The following MAP3K19 variants were observed in gnomAD, a reference collection of about 807,000 sequenced individuals.
MAP3K19 encodes the protein SPS1/STE20-related protein kinase YSK4.
A neutral mutation model predicts 114.4 loss-of-function variants in MAP3K19; 91 were observed. The ratio of observed to expected loss-of-function variants is 0.80; its 90% CI spans 0.67 to 0.95. The LOEUF (loss-of-function observed/expected upper bound fraction) is 0.95, where lower values mean the gene tolerates loss of function less well. MAP3K19 is among the 40% of genes least tolerant of loss of function. The pLI is 0.00. For synonymous variants in MAP3K19, 518 were observed against 530.5 expected (o/e 0.98, Z 0.32); for missense variants, 1,471 against 1,573.2 (o/e 0.94, Z 1.10).
At position 134,981,504 on chromosome 2, in the gene MAP3K19, G is replaced by T; in HGVS notation, c.3237C>A (p.Leu1079=). The T allele has an allele frequency of 6.2e-7, 1 of 1,612,400 alleles. No individual in the cohort carries two copies. The highest frequency in any genetic ancestry group is 1.1e-5 in the South Asian group (1 of 90,982). ...CAGCTATTAGCTGTCCTTGACTAGT[G>T]AGACCACAGTATACCTAGAAGCAAA... The part of the protein sequence containing the change: ...KGAYGTVYCG[L]TSQGQLIAVK... Residue 1079 remains leucine, a synonymous_variant, in exon 12 of 13, where the codon CTC becomes CTA. Transcript: ENST00000392915.
At chr2:135,018,281 CA>C (rs781510594) in intron 5 of MAP3K19, among the ~76,000 whole-genome samples, 12,081 of 58,304 alleles carry the variant, frequency 0.21, 397 homozygotes, top group East Asian at 0.35. Flanking sequence ...GCAACAACAG[CA>C]AAAAAAAAAA....
chr2:135,037,450 A>G (rs2104795045), intron 2 of MAP3K19, among the ~76,000 whole-genome samples: 1 of 152,282 alleles, frequency 6.6e-6, no homozygotes, highest in Admixed American at 6.5e-5. Context: ...TATGAGACAA[A>G]TTGATGAATT....
chr2:135,025,746 ATCTT>A (rs1229717738), intron 3 of MAP3K19, among the ~76,000 whole-genome samples: 1 of 152,084 alleles, frequency 6.6e-6, no homozygotes, highest in Non-Finnish European at 1.5e-5. Context: ...CAACTGGCTG[ATCTT>A]AGGACCATTT....
At chr2:135,033,525 G>A (rs1465111134) in intron 2 of MAP3K19, among the ~76,000 whole-genome samples, 1 of 99,842 alleles carries the variant, frequency 1.0e-5, no homozygotes. Context: ...AGGGGCAGCC[G>A]GGCAGAGGCG....
Position 134,999,995 on chromosome 2 carries a change from A to G in MAP3K19, c.256T>C (p.Phe86Leu), listed in dbSNP as rs151183639. The G allele has an allele frequency of 5.0e-6, 8 of 1,611,204 alleles. No individual in the cohort carries two copies. The African/African-American group carries it at 9.4e-5, about 19-fold the overall frequency. ...RTEGVEITVT[F>L]PRDVSPPQEM... ...TGGGGAGGACTGACATCTCTTGGAA[A>G]AGTTACAGTGATCTCAACACCTGTA... The change falls in exon 7 of 13, where the codon TTT becomes CTT. Residue 86 changes from phenylalanine to leucine, a missense_variant. Phe to Leu is a conservative substitution (Grantham distance 22). Coordinates refer to ENST00000392915, the MANE Select transcript of MAP3K19 (RefSeq NM_025052.5). The surrounding 1 kb of genome is among the most constrained non-coding windows in gnomAD (Gnocchi z 4.1).
Position 134,981,474 on chromosome 2 carries a change from T to C in MAP3K19, c.3267A>G (p.Lys1089=). The change falls in exon 12 of 13, where the codon AAA becomes AAG. Residue 1089 remains lysine, a synonymous_variant. Coordinates refer to ENST00000392915, the MANE Select transcript of MAP3K19 (RefSeq NM_025052.5). Reference sequence around the variant, plus strand: ...TATTAGAGGTATCCAAAGCCACCTGTTTTACAGCTATTAGCTGTCCTTGAC... The same window carrying C: ...TATTAGAGGTATCCAAAGCCACCTGCTTTACAGCTATTAGCTGTCCTTGAC... ...LTSQGQLIAV[K]QVALDTSNKL... The C allele has an allele frequency of 6.2e-7, 1 of 1,614,234 alleles. No homozygotes were observed. The highest frequency in any genetic ancestry group is 2.2e-5 in the East Asian group (1 of 44,882).
In MAP3K19 at chr2:134,987,536, C is replaced by A; in HGVS notation, c.1336G>T (p.Val446Leu). The A allele has an allele frequency of 6.2e-7, 1 of 1,614,212 alleles. No individual in the cohort carries two copies. The highest frequency in any genetic ancestry group is 8.5e-7 in the Non-Finnish European group (1 of 1,180,040). The change falls in exon 10 of 13, where the codon GTA becomes TTA. Residue 446 changes from valine (V) to leucine (L), a missense_variant. Val to Leu is a conservative substitution (Grantham distance 32, BLOSUM62 1). Coordinates refer to ENST00000392915, the MANE Select transcript of MAP3K19 (RefSeq NM_025052.5). ...TTATCAATGGGGTCATCAAAGACTA[C>A]ACTGGATAAGCTTTTAAGTACAGTA... ...ECTVLKSLSSVVFDDPIDKLP... is the reference protein window; with the variant it reads ...ECTVLKSLSSLVFDDPIDKLP...
intron 10 of MAP3K19, among the ~76,000 whole-genome samples, 159 bp from the exon 11 acceptor site, chr2:134,983,984 T>G (rs1049162725): frequency 6.6e-5 from 10 of 152,200 alleles, no homozygotes; most frequent in Admixed American, 2.6e-4. Flanking sequence ...GACCACATAG[T>G]GTATCTTAGT....
At chr2:134,968,730 G>A (rs1291699437) in intron 12 of MAP3K19, among the ~76,000 whole-genome samples, 148 of 150,354 alleles carry the variant, frequency 9.8e-4, no homozygotes, top group African/African-American at 3.3e-3. Flanking sequence ...GGGCAGAGGC[G>A]GTCCCCACAT....
chr2:135,035,686 C>T (rs897839610), intron 2 of MAP3K19, among the ~76,000 whole-genome samples: 2 of 150,592 alleles, frequency 1.3e-5, no homozygotes, highest in African/African-American at 5.0e-5. Context: ...TGAATTTTAT[C>T]TCAATAAAGC....
chr2:134,992,299 T>G lies in MAP3K19; in HGVS notation c.575-719A>C, dbSNP rs561680466. 6.6e-5 allele frequency among the ~76,000 whole-genome samples: 10 copies of G among 152,280 alleles called. No individual in the cohort carries two copies. The South Asian group carries it at 2.1e-3, about 32-fold the overall frequency. ...TCTCCCAACAGTTGTTTAAACTAGA[T>G]CGACCATAAACTCTGAAAGGTGAGT... On this transcript the variant is annotated intron_variant, in intron 8 of 12. Transcript: ENST00000392915.
intron 12 of MAP3K19, among the ~76,000 whole-genome samples, chr2:134,978,799 A>C (rs1434094420): frequency 1.3e-5 from 2 of 152,172 alleles, no homozygotes; most frequent in East Asian, 3.8e-4. Context: ...TTCTAGTCTC[A>C]AGCGACATCC....
chr2:135,047,148 T>C (rs577198343), intron 1 of MAP3K19, 37 bp downstream of exon 1: 1 of 152,358 alleles, frequency 6.6e-6, no homozygotes, highest in South Asian at 2.1e-4. Flanking sequence ...ACATACAGTT[T>C]ATCTAAAATG....
At chr2:134,978,749 T>G (rs1040358180) in intron 12 of MAP3K19, among the ~76,000 whole-genome samples, 2 of 152,230 alleles carry the variant, frequency 1.3e-5, no homozygotes, top group Non-Finnish European at 2.9e-5. Context: ...CCACTGCTTC[T>G]ACCACCATCA....
intron 2 of MAP3K19, among the ~76,000 whole-genome samples, chr2:135,036,640 TG>T (rs1305114850): frequency 8.3e-5 from 3 of 36,128 alleles, no homozygotes; most frequent in African/African-American, 6.3e-4. Context: ...CAACATTATG[TG>T]TGTGTGTGTG....
At chr2:135,028,162 T>C (rs1688299220) in intron 3 of MAP3K19, among the ~76,000 whole-genome samples, 1 of 152,206 alleles carries the variant, frequency 6.6e-6, no homozygotes, top group Non-Finnish European at 1.5e-5. Flanking sequence ...TAGGGTTATG[T>C]TGCTGATTGG....
rs1251853250 is a variant in MAP3K19, at chr2:135,047,178, G to A, written c.-424+7C>T. ...AAAATGAGATGAAAAGCAGAGATTC[G>A]GCTTACCTGTGCTGTGTTTTGCTGA... On this transcript the variant is annotated splice_region_variant and intron_variant, in intron 1 of 12. Transcript: ENST00000392915. 15 of 152,074 alleles carry A rather than the reference G, an allele frequency of 9.9e-5. No homozygotes were observed. The highest frequency in any genetic ancestry group is 2.1e-4 in the Non-Finnish European group (14 of 68,022). The allele number at this position is 152,074 out of a possible 1,614,324, so 9.4% of individuals were successfully genotyped here.
At chr2:135,044,439 A>T (rs1160139377) in intron 1 of MAP3K19, among the ~76,000 whole-genome samples, 1 of 152,114 alleles carries the variant, frequency 6.6e-6, no homozygotes, top group Non-Finnish European at 1.5e-5. Flanking sequence ...AAAAATACAA[A>T]ATTAGCCAGG....
rs536589373 is a variant in MAP3K19, at chr2:134,998,983, G to A, written c.329C>T (p.Ser110Leu). ...DLKEKNLINS[S>L]LQEWAQAHAV... ...ATGTGCTTGTGCCCATTCTTGAAGC[G>A]ATGAGTTTATCAGACTAAAGGGGGA... Residue 110 changes from serine (S) to leucine (L), a missense_variant, in exon 8 of 13, where the codon TCG becomes TTG. Transcript: ENST00000392915. 6.4e-5 allele frequency: 104 copies of A among 1,612,982 alleles called. No homozygotes were observed. The highest frequency in any genetic ancestry group is 1.7e-4 in the Middle Eastern group (1 of 6,048).
Sources: allele counts gnomAD v4.1 joint callset (sites outside exome capture counted in the v4.1 genomes callset), GRCh38; gene constraint gnomAD v4.1.1; non-coding constraint Gnocchi (gnomAD v3.1); transcripts MANE v1.5; gene names NCBI Gene and HGNC (gene_info 2026-07-23, HGNC 2026-07-21).